Variants in FBN1 observed in about 807,000 individuals in gnomAD.
FBN1 encodes the protein fibrillin 1.
A neutral mutation model predicts 365.1 loss-of-function variants in FBN1; 29 were observed. The observed-to-expected ratio is 0.08, with a 90% CI of 0.06 to 0.11. The LOEUF is 0.11. FBN1 is among the 10% of genes least tolerant of loss of function. The pLI is 1.00. For missense variants in FBN1, 2,476 were observed against 3,703.2 expected (o/e 0.67, Z 8.60); for synonymous variants, 1,210 against 1,270.5 (o/e 0.95, Z 1.01).
chr15:48,455,355 T>C (rs576124506), intron 44 of FBN1, among the ~76,000 whole-genome samples: 1 of 152,228 alleles, frequency 6.6e-6, no homozygotes, highest in African/African-American at 2.4e-5. Context: ...CTATGGGTTC[T>C]GGCCAAGGCC....
At chr15:48,592,189 T>G (rs908469443) in intron 6 of FBN1, among the ~76,000 whole-genome samples, 1 of 152,138 alleles carries the variant, frequency 6.6e-6, no homozygotes, top group Non-Finnish European at 1.5e-5. Context: ...GTTTGTTTGG[T>G]TCAATGCTCT....
chr15:48,490,227 C>T, intron 24 of FBN1, 149 bp from the exon 25 acceptor site: 1 of 749,680 alleles, frequency 1.3e-6, no homozygotes, highest in Non-Finnish European at 2.3e-6. Context: ...AAAAAAAACC[C>T]CAGGCTCTGG....
At chr15:48,430,524 G>C in intron 56 of FBN1, 147 bp downstream of exon 56, 1 of 826,168 alleles carries the variant, frequency 1.2e-6, no homozygotes, top group Non-Finnish European at 2.0e-6. Context: ...CGAGGCAAGG[G>C]AACCACCATG....
At chr15:48,542,452 A>C (rs974762108) in intron 6 of FBN1, among the ~76,000 whole-genome samples, 10 of 152,338 alleles carry the variant, frequency 6.6e-5, no homozygotes, top group Admixed American at 1.3e-4. Context: ...CCTGGGGAAC[A>C]TTAGGCTCCT....
At chr15:48,495,038 C>T in intron 22 of FBN1, 85 bp downstream of exon 22, 1 of 1,525,028 alleles carries the variant, frequency 6.6e-7, no homozygotes, top group Non-Finnish European at 9.1e-7. Context: ...CTCATGTGAG[C>T]CTAGATAAAT....
At chr15:48,547,106 G>A (rs1425407172) in intron 6 of FBN1, among the ~76,000 whole-genome samples, 1 of 151,948 alleles carries the variant, frequency 6.6e-6, no homozygotes, top group Admixed American at 6.6e-5. Flanking sequence ...AACAAAACCT[G>A]TGTATAATGT....
chr15:48,431,254 C>T (rs543868341), intron 55 of FBN1, among the ~76,000 whole-genome samples: 9 of 151,950 alleles, frequency 5.9e-5, no homozygotes, highest in Admixed American at 3.3e-4. Flanking sequence ...TGCACCACCA[C>T]GCCTGGCTAA....
At chr15:48,639,457 C>T (rs973780289) in intron 2 of FBN1, among the ~76,000 whole-genome samples, 1 of 152,234 alleles carries the variant, frequency 6.6e-6, no homozygotes, top group East Asian at 1.9e-4. Flanking sequence ...TCCAGGGACG[C>T]TGTCCTTCTG....
At chr15:48,613,693 C>T (rs993991699) in intron 2 of FBN1, among the ~76,000 whole-genome samples, 2 of 152,118 alleles carry the variant, frequency 1.3e-5, no homozygotes, top group African/African-American at 2.4e-5. Flanking sequence ...TTTGGGAAGC[C>T]GAGGTGGGCA....
rs1343255869 is a variant in FBN1 at position 48,465,624 on chromosome 15, A to C, written c.4886T>G (p.Phe1629Cys). The C allele has an allele frequency of 1.9e-6, 3 of 1,614,008 alleles. No homozygotes were observed. The African/African-American group carries it at 4.0e-5, about 22-fold the overall frequency. The change falls in exon 40 of 66, where the codon TTC becomes TGC. Residue 1629 changes from phenylalanine (F) to cysteine (C), a missense_variant. By Grantham distance (205) the Phe-to-Cys change is radical. Around this residue, in one of 5 missense-constraint regions of FBN1, gnomAD observed 1,780 missense variants for 2,840.8 expected, o/e 0.63. Transcript: ENST00000316623. The stretch of plus-strand genomic sequence containing the variant: ...GTAGCCGGTTGGACAGCGGCACTGG[A>C]AACTCCCAAAGGTGTTGATACATTT... ...GGKCINTFGS[F>C]QCRCPTGYYL...
rs765588220 is a variant in FBN1, at chr15:48,474,358, A to T, written c.4107T>A (p.Asn1369Lys). Residue 1369 changes from asparagine to lysine, a missense_variant, in exon 34 of 66, where the codon AAT becomes AAA. Coordinates refer to ENST00000316623, the MANE Select transcript of FBN1 (RefSeq NM_000138.5). ...IKCTDLDECS[N>K]GTHMCSQHAD... ...CATGCTGGCTGCACATATGGGTTCC[A>T]TTGGAACATTCGTCCAGATCTTATA... The T allele has an allele frequency of 6.2e-7, 1 of 1,614,214 alleles. No homozygotes were observed. The highest frequency in any genetic ancestry group is 8.5e-7 in the Non-Finnish European group (1 of 1,180,018).
intron 6 of FBN1, among the ~76,000 whole-genome samples, chr15:48,575,834 C>CACACAT (rs2044342744): frequency 7.1e-6 from 1 of 141,334 alleles, no homozygotes; most frequent in Admixed American, 7.1e-5. Context: ...CACACACACA[C>CACACAT]ACACACACAC....
chr15:48,531,503 C>T (rs1214238439), intron 8 of FBN1, among the ~76,000 whole-genome samples: 1 of 152,112 alleles, frequency 6.6e-6, no homozygotes, highest in African/African-American at 2.4e-5. Context: ...CTTTAAAAAG[C>T]CACTCAAAGC....
At chr15:48,460,137 G>C in intron 43 of FBN1, 109 bp downstream of exon 43, 1 of 770,050 alleles carries the variant, frequency 1.3e-6, no homozygotes, top group Non-Finnish European at 2.3e-6. Context: ...TAAAGTGAAA[G>C]GCATTGTTTA....
chr15:48,470,591 C>G (rs772438692), intron 36 of FBN1, 43 bp downstream of exon 36: 3 of 1,612,474 alleles, frequency 1.9e-6, no homozygotes, highest in Admixed American at 1.7e-5. Flanking sequence ...CTGGGTCCCC[C>G]GGGACACCAG....
intron 44 of FBN1, among the ~76,000 whole-genome samples, chr15:48,453,349 A>T (rs571312689): frequency 6.8e-6 from 1 of 146,102 alleles, no homozygotes; most frequent in East Asian, 2.2e-4. Flanking sequence ...GAAAAAGAAG[A>T]AAAAAGAAAA....
At chr15:48,592,252 T>C (rs1360636355) in intron 6 of FBN1, among the ~76,000 whole-genome samples, 3 of 152,132 alleles carry the variant, frequency 2.0e-5, no homozygotes, top group Non-Finnish European at 2.9e-5. Context: ...AGCCTATTCA[T>C]CATCACACCC....
At chr15:48,479,818 C>T (rs1157043943) in intron 32 of FBN1, among the ~76,000 whole-genome samples, 1 of 152,098 alleles carries the variant, frequency 6.6e-6, no homozygotes, top group Non-Finnish European at 1.5e-5. Flanking sequence ...CTTCTTTAAA[C>T]TGAGTTCAAG....
At chr15:48,595,207 CACAG>C (rs1347410202) in intron 6 of FBN1, among the ~76,000 whole-genome samples, 1 of 152,160 alleles carries the variant, frequency 6.6e-6, no homozygotes, top group Non-Finnish European at 1.5e-5. Flanking sequence ...AAATTATAAA[CACAG>C]ACAGAAAATA....
Sources: gnomAD v4.1 joint callset for allele counts (sites outside exome capture counted in the v4.1 genomes callset) on GRCh38, gnomAD v4.1.1 for gene constraint, gnomAD v4.1.1 regional missense constraint, MANE v1.5 for transcripts, NCBI Gene and HGNC (gene_info 2026-07-23, HGNC 2026-07-21) for gene names.